KANK1: variants seen among roughly 807,000 people sequenced by gnomAD.
The protein encoded by KANK1 is KN motif and ankyrin repeat domains 1, also known as KN motif and ankyrin repeat domain-containing protein 1.
A neutral mutation model predicts 106.2 loss-of-function variants in KANK1; 109 were observed. The observed-to-expected ratio is 1.03, with a 90% CI of 0.88 to 1.20. KANK1 has a LOEUF of 1.20. Among genes scored for constraint, KANK1 ranks in the 50% most tolerant of loss-of-function variants. The probability of loss-of-function intolerance (pLI) is 0.00; values close to 1 mark genes in which losing one functional copy is unlikely to be tolerated. For synonymous variants in KANK1, 873 were observed against 652.2 expected, an observed-to-expected ratio of 1.34 and a Z score of -5.16; for missense variants, 2,399 against 1,710.7, an observed-to-expected ratio of 1.40 and a Z score of -7.10.
Position 712,592 on chromosome 9 carries a change from CTG to C in KANK1, c.1829_1830del (p.Val610GlufsTer26). ...GAAACAGGCAGCAACACAGAGGAGTCTGTGAACGACCTCACACTCCTCAAGAC... is the reference window on the plus strand; with the variant it reads ...GAAACAGGCAGCAACACAGAGGAGTCTGAACGACCTCACACTCCTCAAGAC... On this transcript the variant is annotated frameshift_variant, in exon 3 of 12. Coordinates refer to ENST00000382297, the MANE Select transcript of KANK1 (RefSeq NM_015158.5). LOFTEE classifies it high-confidence loss of function. 2 of 1,614,160 alleles carry C rather than the reference CTG, an allele frequency of 1.2e-6. No homozygotes were observed. The highest frequency in any genetic ancestry group is 1.7e-6 in the Non-Finnish European group (2 of 1,180,030).
At chr9:615,370 C>G (rs1469615664) in intron 1 of KANK1, among the ~76,000 whole-genome samples, 1 of 152,180 alleles carries the variant, frequency 6.6e-6, no homozygotes, top group African/African-American at 2.4e-5. Flanking sequence ...ATATGCTCTT[C>G]CTTTTTGCTA....
At chr9:691,491 G>A in intron 2 of KANK1, among the ~76,000 whole-genome samples, 1 of 151,074 alleles carries the variant, frequency 6.6e-6, no homozygotes, top group African/African-American at 2.4e-5. Flanking sequence ...AAACTCCTGA[G>A]CTCAAGTGAT....
At chr9:536,266 C>G (rs902529304) in intron 1 of KANK1, among the ~76,000 whole-genome samples, 6 of 152,148 alleles carry the variant, frequency 3.9e-5, no homozygotes, top group African/African-American at 1.4e-4. Context: ...ACTTGAAACC[C>G]AGGAGGCAGA....
chr9:529,133 A>T (rs559160925), intron 1 of KANK1, among the ~76,000 whole-genome samples: 32 of 151,734 alleles, frequency 2.1e-4, no homozygotes, highest in Non-Finnish European at 4.1e-4. Flanking sequence ...AAAGGTGTAT[A>T]GTGAAAAGCC....
At chr9:594,972 T>C (rs1825857741) in intron 1 of KANK1, among the ~76,000 whole-genome samples, 1 of 151,856 alleles carries the variant, frequency 6.6e-6, no homozygotes, top group Non-Finnish European at 1.5e-5. Flanking sequence ...TTTCTTATTA[T>C]AGAAACAGTT....
chr9:725,307 A>G (rs1200291285), intron 3 of KANK1, among the ~76,000 whole-genome samples: 3 of 152,098 alleles, frequency 2.0e-5, no homozygotes, highest in Non-Finnish European at 4.4e-5. Context: ...AGGCTAACCA[A>G]CATGGTAAAA....
intron 1 of KANK1, among the ~76,000 whole-genome samples, chr9:608,611 TGCCATCATCAG>T (rs1185974304): frequency 6.7e-6 from 1 of 149,170 alleles, no homozygotes; most frequent in Non-Finnish European, 1.5e-5. Context: ...TCGGGAGGAA[TGCCATCATCAG>T]GACATCATCA....
intron 1 of KANK1, among the ~76,000 whole-genome samples, chr9:607,899 CTGG>C (rs1389868281): frequency 6.6e-6 from 1 of 151,348 alleles, no homozygotes; most frequent in African/African-American, 2.4e-5. Flanking sequence ...GTACCTTTAC[CTGG>C]TTGTATTGTA....
At chr9:545,778 C>G (rs1303929806) in intron 1 of KANK1, among the ~76,000 whole-genome samples, 5 of 135,882 alleles carry the variant, frequency 3.7e-5, no homozygotes, top group Admixed American at 7.9e-5. Context: ...AGTCTCGCTG[C>G]TCTGTCGCCC....
chr9:710,939 T>A lies in KANK1; in HGVS notation c.173T>A (p.Ile58Asn). 1 of 1,614,112 alleles carries A rather than the reference T, an allele frequency of 6.2e-7. No homozygotes were observed. The highest frequency in any genetic ancestry group is 8.5e-7 in the Non-Finnish European group (1 of 1,180,018). ...GATGACATACAGAAGGGAAATACCATCAAAAGACTGAACATCCAGAAGAGG... is the reference window on the plus strand; with the variant it reads ...GATGACATACAGAAGGGAAATACCAACAAAAGACTGAACATCCAGAAGAGG... The part of the protein sequence containing the change: ...YVDDIQKGNT[I>N]KRLNIQKRRK... Residue 58 changes from isoleucine (I) to asparagine (N), a missense_variant, in exon 3 of 12, where the codon ATC becomes AAC. Physicochemically the swap from Ile to Asn is moderately radical, Grantham distance 149 (BLOSUM62 -3). Transcript: ENST00000382297.
intron 1 of KANK1, among the ~76,000 whole-genome samples, chr9:509,501 A>C (rs777140487): frequency 6.6e-6 from 1 of 152,266 alleles, no homozygotes; most frequent in East Asian, 1.9e-4. Context: ...CTAATATTCA[A>C]TTTTGTATTT....
intron 1 of KANK1, among the ~76,000 whole-genome samples, chr9:615,065 G>A (rs907773339): frequency 2.0e-5 from 3 of 151,130 alleles, no homozygotes; most frequent in Non-Finnish European, 4.4e-5. Flanking sequence ...TCAGCCTTCC[G>A]AGTAGCTGGT....
chr9:697,945 A>G (rs1043412473), intron 2 of KANK1, among the ~76,000 whole-genome samples: 15 of 152,258 alleles, frequency 9.9e-5, no homozygotes, highest in Admixed American at 7.8e-4. Context: ...TACCTGCAAC[A>G]AGATCTGTGG....
At chr9:732,724 G>C in intron 6 of KANK1, 107 bp downstream of exon 6, 1 of 1,272,070 alleles carries the variant, frequency 7.9e-7, no homozygotes, top group Non-Finnish European at 1.1e-6. Context: ...GCTTTTATCT[G>C]TTCCTCAGAG....
chr9:562,264 G>A (rs926835073), intron 1 of KANK1, among the ~76,000 whole-genome samples: 13 of 151,520 alleles, frequency 8.6e-5, no homozygotes, highest in Admixed American at 3.3e-4. Context: ...TTGTTAGCCA[G>A]GATGGTCTCG....
chr9:688,647 T>G (rs1317201625), intron 2 of KANK1, among the ~76,000 whole-genome samples: 5 of 151,220 alleles, frequency 3.3e-5, no homozygotes. Context: ...GTCTGTTAAG[T>G]GCCTTGGGTT....
rs1274892431 is a variant in KANK1, at chr9:615,648, G to A, written c.-83-61242G>A. Among the ~76,000 whole-genome samples the A allele has an allele frequency of 2.6e-5, 4 of 152,116 alleles. No individual in the cohort carries two copies. The East Asian group carries it at 7.7e-4, about 29-fold the overall frequency. The stretch of plus-strand genomic sequence containing the variant: ...GACTTAATTAATTGGTGTGCTTTCA[G>A]TTTATTTTCCCTGGTTGGTCTTTGC... On this transcript the variant is annotated intron_variant, in intron 1 of 11. Transcript: ENST00000382297.
intron 3 of KANK1, among the ~76,000 whole-genome samples, chr9:482,869 T>G (rs775067560): frequency 2.6e-5 from 4 of 152,126 alleles, no homozygotes; most frequent in Non-Finnish European, 5.9e-5. Flanking sequence ...AATTTCAAGT[T>G]GTCCGTGTTC....
At chr9:512,417 C>T (rs929977746) in intron 1 of KANK1, among the ~76,000 whole-genome samples, 8 of 151,952 alleles carry the variant, frequency 5.3e-5, no homozygotes, top group African/African-American at 1.9e-4. Flanking sequence ...TCAGGGAGGC[C>T]GGTCTTTTTG....
Sources: allele counts gnomAD v4.1 joint callset (sites outside exome capture counted in the v4.1 genomes callset), GRCh38; gene constraint gnomAD v4.1.1; transcripts MANE v1.5; gene names NCBI Gene and HGNC (gene_info 2026-07-23, HGNC 2026-07-21).